The following LBP variants were observed in gnomAD, a reference collection of about 807,000 sequenced individuals.
LBP encodes the protein lipopolysaccharide-binding protein.
Under a neutral mutation model 56.6 loss-of-function variants are expected in LBP, and 53 were observed. The ratio of observed to expected loss-of-function variants is 0.94; its 90% CI spans 0.75 to 1.18. The LOEUF is 1.18. Among genes scored for constraint, LBP ranks in the 50% most tolerant of loss-of-function variants. LBP has a pLI of 0.00. For missense variants in LBP, 601 were observed against 598.3 expected (o/e 1.00, Z -0.05); for synonymous variants, 227 against 247.5 (o/e 0.92, Z 0.78).
At position 38,370,810 on chromosome 20, in the gene LBP, G is replaced by A. The variant is rs934661402; in HGVS notation, c.1217+5G>A. The A allele has an allele frequency of 1.2e-6, 2 of 1,613,352 alleles. No homozygotes were observed. The highest frequency in any genetic ancestry group is 1.3e-5 in the African/African-American group (1 of 74,992). On this transcript the variant is annotated splice_donor_5th_base_variant and intron_variant, in intron 11 of 14. Coordinates refer to ENST00000217407, the MANE Select transcript of LBP (RefSeq NM_004139.5). The stretch of plus-strand genomic sequence containing the variant: ...TGGGTTCCTGAAGCCAGGAAAGTAA[G>A]TTGGCCTCCTACCTACATGGGGGTG...
chr20:38,355,021 G>T (rs1307480981), intron 4 of LBP, among the ~76,000 whole-genome samples: 2 of 152,208 alleles, frequency 1.3e-5, no homozygotes, highest in East Asian at 3.9e-4. Flanking sequence ...GACAGAGGTT[G>T]CAGTGAGCTG....
intron 2 of LBP, among the ~76,000 whole-genome samples, chr20:38,350,194 A>G (rs1304553373): frequency 1.3e-5 from 2 of 152,208 alleles, no homozygotes; most frequent in Non-Finnish European, 2.9e-5. Flanking sequence ...TCAGACTCGT[A>G]GCACATTGTA....
rs11536936 is a variant in LBP at position 38,347,074 on chromosome 20, C to T, written c.124+434C>T. On this transcript the variant is annotated intron_variant, in intron 1 of 14. Transcript: ENST00000217407. The stretch of plus-strand genomic sequence containing the variant: ...AACTGGAAGTCAGAATTGTGGTCAC[C>T]TCTAGAGGCAGGCAGAGACCCTGAA... Among the ~76,000 whole-genome samples the T allele has an allele frequency of 2.4e-3, 362 of 152,270 alleles. 4 individuals are homozygous for T. Among genetic ancestry groups the T allele is most frequent in the African/African-American group, 8.0e-3 (333 of 41,534 alleles).
intron 6 of LBP, among the ~76,000 whole-genome samples, chr20:38,361,806 C>T (rs1429726224): frequency 6.6e-6 from 1 of 151,644 alleles, no homozygotes; most frequent in Non-Finnish European, 1.5e-5. Flanking sequence ...GTAACCAGCT[C>T]CCAACCGAGA....
intron 13 of LBP, 47 bp from the exon 14 acceptor site, chr20:38,373,887 AATT>A: frequency 6.6e-7 from 1 of 1,511,714 alleles, no homozygotes; most frequent in South Asian, 1.1e-5. Flanking sequence ...ATCTGTCTCT[AATT>A]ATTATTTATT....
chr20:38,352,624 G>A (rs914458662), intron 3 of LBP, among the ~76,000 whole-genome samples: 1 of 152,066 alleles, frequency 6.6e-6, no homozygotes, highest in East Asian at 1.9e-4. Flanking sequence ...GCGTAGTGGC[G>A]CATGCCTGTA....
intron 3 of LBP, 142 bp downstream of exon 3, chr20:38,351,081 T>C: frequency 1.9e-6 from 2 of 1,045,356 alleles, no homozygotes; most frequent in Non-Finnish European, 2.7e-6. Flanking sequence ...GCCTGGGGAT[T>C]GAGTCCTGGC....
chr20:38,360,780 A>G lies in LBP; in HGVS notation c.652+13A>G. On this transcript the variant is annotated intron_variant, in intron 6 of 14. Transcript: ENST00000217407. ...CAAACTCTGCCAGGTAGGACACCCCATCCATCCCGGGACACTTTTATTTCT... is the reference window on the plus strand; with the variant it reads ...CAAACTCTGCCAGGTAGGACACCCCGTCCATCCCGGGACACTTTTATTTCT... The G allele has an allele frequency of 6.3e-7, 1 of 1,591,948 alleles. No individual in the cohort carries two copies. The highest frequency in any genetic ancestry group is 8.6e-7 in the Non-Finnish European group (1 of 1,160,138).
At chr20:38,373,242 G>A (rs2076906880) in intron 13 of LBP, 107 bp downstream of exon 13, 2 of 920,402 alleles carry the variant, frequency 2.2e-6, no homozygotes, top group Non-Finnish European at 3.5e-6. Flanking sequence ...TATGACCGTG[G>A]GCAAGTCACT....
chr20:38,351,393 C>T lies in LBP; in HGVS notation c.368+454C>T, dbSNP rs376769663. Among the ~76,000 whole-genome samples the T allele has an allele frequency of 2.8e-3, 420 of 152,182 alleles. 3 individuals are homozygous for T. Among genetic ancestry groups the T allele is most frequent in the African/African-American group, 9.7e-3 (403 of 41,510 alleles). On this transcript the variant is annotated intron_variant, in intron 3 of 14. Transcript: ENST00000217407. ...GGGAACTCAGGGACAGCGGAGAACA[C>T]GCCTCTGAGTTACTCCAGCCCCACG...
intron 5 of LBP, among the ~76,000 whole-genome samples, chr20:38,356,007 G>A (rs556852088): frequency 1.3e-5 from 2 of 150,594 alleles, no homozygotes; most frequent in African/African-American, 4.9e-5. Flanking sequence ...AATGGTATCT[G>A]TAGCAATGAC....
intron 5 of LBP, 102 bp from the exon 6 acceptor site, chr20:38,360,602 A>C: frequency 1.4e-6 from 1 of 728,982 alleles, no homozygotes; most frequent in Non-Finnish European, 2.4e-6. Flanking sequence ...TAAATCAGTG[A>C]TCACTGAGCA....
intron 9 of LBP, 73 bp downstream of exon 9, chr20:38,366,901 C>G: frequency 7.5e-7 from 1 of 1,341,668 alleles, no homozygotes. Flanking sequence ...TTTAAAACCT[C>G]TGCATCTCTC....
intron 13 of LBP, 139 bp downstream of exon 13, chr20:38,373,274 G>A: frequency 1.4e-6 from 1 of 702,890 alleles, no homozygotes; most frequent in Non-Finnish European, 2.5e-6. Flanking sequence ...TTAGTGACCT[G>A]CCTGTGACAT....
chr20:38,363,704 C>G (rs1371091205), intron 6 of LBP, among the ~76,000 whole-genome samples: 1 of 152,068 alleles, frequency 6.6e-6, no homozygotes. Context: ...GAAGCCTGGA[C>G]TCATGGTGTG....
At chr20:38,373,241 G>A (rs1006265727) in intron 13 of LBP, 106 bp downstream of exon 13, 1 of 937,410 alleles carries the variant, frequency 1.1e-6, no homozygotes, top group South Asian at 1.4e-5. Flanking sequence ...GTATGACCGT[G>A]GGCAAGTCAC....
chr20:38,363,978 C>T lies in LBP; in HGVS notation c.656C>T (p.Thr219Ile). 1.2e-6 allele frequency: 2 copies of T among 1,612,042 alleles called. No homozygotes were observed. The highest frequency in any genetic ancestry group is 1.3e-5 in the African/African-American group (1 of 74,996). Residue 219 changes from threonine (T) to isoleucine (I), a missense_variant, in exon 7 of 15, where the codon ACA (threonine) becomes ATA (isoleucine). Coordinates refer to ENST00000217407, the MANE Select transcript of LBP (RefSeq NM_004139.5). ...TCTGCCCTGTCCTCATTCACAGTTA[C>T]AACAGAGATTGACAGTTTCGCCGAC... is the stretch of plus-strand genomic sequence containing the variant. Reference protein sequence around the residue: ...LQPYLQTLPVTTEIDSFADID... With the variant: ...LQPYLQTLPVITEIDSFADID...
intron 6 of LBP, among the ~76,000 whole-genome samples, chr20:38,362,053 CTTTTT>C (rs1229689650): frequency 2.0e-4 from 24 of 117,630 alleles, no homozygotes; most frequent in East Asian, 1.3e-3. Context: ...TTTTTGTTTT[CTTTTT>C]TTTTTTTTTT....
intron 5 of LBP, among the ~76,000 whole-genome samples, chr20:38,356,460 G>C (rs2076841393): frequency 7.1e-6 from 1 of 140,710 alleles, no homozygotes; most frequent in African/African-American, 2.8e-5. Flanking sequence ...ACACACCCTC[G>C]TCTGTAGGTC....
Sources: gnomAD v4.1 joint callset for allele counts (sites outside exome capture counted in the v4.1 genomes callset) on GRCh38, gnomAD v4.1.1 for gene constraint, MANE v1.5 for transcripts, NCBI Gene and HGNC (gene_info 2026-07-23, HGNC 2026-07-21) for gene names.